The following ANK2 variants were observed in gnomAD, a reference collection of about 807,000 sequenced individuals.
ANK2 encodes the protein ankyrin 2.
A neutral mutation model predicts 360.5 loss-of-function variants in ANK2; 83 were observed. The observed-to-expected ratio is 0.23, with a 90% CI of 0.19 to 0.28. The LOEUF (loss-of-function observed/expected upper bound fraction) is 0.28. ANK2 is among the 10% of genes least tolerant of loss of function. The pLI, the probability that ANK2 is intolerant of heterozygous loss-of-function variation, is 1.00. For synonymous variants in ANK2, 1,740 were observed against 1,759.5 expected (o/e 0.99, Z 0.28); for missense variants, 4,201 against 4,795.7 (o/e 0.88, Z 3.66).
the ANK2 span, among the ~76,000 whole-genome samples, chr4:112,710,559 T>C: frequency 2.0e-5 from 3 of 151,994 alleles, no homozygotes; most frequent in South Asian, 6.2e-4. Flanking sequence ...TTAGCTGGGC[T>C]TGGTGGCGGG....
chr4:113,091,509 G>A (rs2088119862), intron 1 of ANK2, among the ~76,000 whole-genome samples: 1 of 152,180 alleles, frequency 6.6e-6, no homozygotes, highest in Non-Finnish European at 1.5e-5. Flanking sequence ...AAATTTTAAT[G>A]TTGATTAAAA....
At chr4:113,061,845 GAA>G (rs1311975773) in intron 1 of ANK2, among the ~76,000 whole-genome samples, 1 of 152,082 alleles carries the variant, frequency 6.6e-6, no homozygotes, top group African/African-American at 2.4e-5. Context: ...AAAAATAACT[GAA>G]AGAGTATAAT....
At chr4:112,826,414 C>G in intron 1 of ANK2, 1 of 1,030,356 alleles carries the variant, frequency 9.7e-7, no homozygotes. Flanking sequence ...GTAACACTTT[C>G]CCTACCAGCA....
chr4:113,237,888 T>A (rs1002842303), intron 7 of ANK2, among the ~76,000 whole-genome samples: 7 of 152,230 alleles, frequency 4.6e-5, no homozygotes, highest in Non-Finnish European at 1.0e-4. Flanking sequence ...TATATTTTAA[T>A]GAGTGAGATT....
intron 1 of ANK2, among the ~76,000 whole-genome samples, chr4:112,839,555 G>T (rs888431750): frequency 1.3e-5 from 2 of 152,176 alleles, no homozygotes; most frequent in Non-Finnish European, 2.9e-5. Context: ...ATGTATTAAG[G>T]TGTGGTTTGG....
intron 2 of ANK2, among the ~76,000 whole-genome samples, chr4:112,953,816 G>A (rs780326939): frequency 6.6e-6 from 1 of 152,030 alleles, no homozygotes; most frequent in Non-Finnish European, 1.5e-5. Context: ...TCTCATATAT[G>A]GTGAAAATAA....
chr4:112,804,587 CTTG>C, the ANK2 span, among the ~76,000 whole-genome samples: 1 of 152,084 alleles, frequency 6.6e-6, no homozygotes, highest in Non-Finnish European at 1.5e-5. Context: ...ATATCGAGGA[CTTG>C]GATGATATTT....
the ANK2 span, among the ~76,000 whole-genome samples, chr4:112,757,150 T>A: frequency 6.7e-6 from 1 of 149,724 alleles, no homozygotes; most frequent in African/African-American, 2.5e-5. Context: ...TTTGCTCTTG[T>A]CACCCAGGCT....
At chr4:113,137,952 A>G (rs941897883) in intron 1 of ANK2, among the ~76,000 whole-genome samples, 2 of 152,216 alleles carry the variant, frequency 1.3e-5, no homozygotes, top group African/African-American at 4.8e-5. Context: ...TAATATATTT[A>G]TGACTGTATT....
In ANK2 at chr4:113,353,566, C is replaced by T; in HGVS notation, c.4948C>T (p.Leu1650Phe). The T allele has an allele frequency of 6.2e-7, 1 of 1,614,042 alleles. No individual in the cohort carries two copies. The highest frequency in any genetic ancestry group is 8.5e-7 in the Non-Finnish European group (1 of 1,179,968). The change falls in exon 38 of 46, where the codon CTT (leucine) becomes TTT (phenylalanine). Residue 1650 changes from leucine to phenylalanine, a missense_variant. Leu to Phe is a conservative substitution (Grantham distance 22, BLOSUM62 0). Around this residue, in one of 4 missense-constraint regions of ANK2, gnomAD observed 1,268 missense variants for 1,650.8 expected, o/e 0.77. Transcript: ENST00000357077. ...TGATGATCTGAATACCTGTGTGCCT[C>T]TTCCCAAAGAGCAGCTGCAGACAGT... ...LTDDLNTCVP[L>F]PKEQLQTVQD...
intron 2 of ANK2, among the ~76,000 whole-genome samples, chr4:113,038,973 C>G (rs2154311203): frequency 6.6e-6 from 1 of 152,112 alleles, no homozygotes; most frequent in East Asian, 1.9e-4. Context: ...TAATCCCCGA[C>G]TCACAAATTT....
At chr4:113,075,442 A>G (rs1192256690) in intron 1 of ANK2, among the ~76,000 whole-genome samples, 1 of 152,062 alleles carries the variant, frequency 6.6e-6, no homozygotes, top group Non-Finnish European at 1.5e-5. Flanking sequence ...GACCTTGGTA[A>G]TGTTTTCTGT....
intron 2 of ANK2, among the ~76,000 whole-genome samples, chr4:112,913,676 C>T (rs546314315): frequency 6.6e-6 from 1 of 152,242 alleles, no homozygotes; most frequent in East Asian, 1.9e-4. Context: ...CAGATTGCCT[C>T]ATCTATAAAC....
intron 2 of ANK2, among the ~76,000 whole-genome samples, chr4:113,009,614 T>C (rs966847577): frequency 2.6e-5 from 4 of 152,120 alleles, no homozygotes; most frequent in African/African-American, 9.7e-5. Context: ...GAGCATCCCA[T>C]GATTCTAGAG....
chr4:112,922,097 G>A lies in ANK2; in HGVS notation c.21+17583G>A, dbSNP rs948232124. 4.6e-5 allele frequency among the ~76,000 whole-genome samples: 7 copies of A among 152,130 alleles called. No homozygotes were observed. The East Asian group carries it at 5.8e-4, about 13-fold the overall frequency. On this transcript the variant is annotated intron_variant, in intron 2 of 30. Transcript: ENST00000503271. ...TGAAATTGTAGGGCTACTCTAACTC[G>A]TCTTAGGTGTGCCCACATACACCAG... is the stretch of plus-strand genomic sequence containing the variant.
Position 113,274,487 on chromosome 4 carries a change from G to T in ANK2, c.1521G>T (p.Leu507=), listed in dbSNP as rs2153688094. 1 of 1,614,200 alleles carries T rather than the reference G, an allele frequency of 6.2e-7. No homozygotes were observed. The highest frequency in any genetic ancestry group is 8.5e-7 in the Non-Finnish European group (1 of 1,180,042). ...CACCTTTACATATTGCCTCCCGCCT[G>T]GGTAAGACAGAAATTGTCCAGCTGC... is the stretch of plus-strand genomic sequence containing the variant. ...EQTPLHIASR[L]GKTEIVQLLL... is the part of the protein sequence containing the mutation. Residue 507 remains leucine (L), a synonymous_variant, in exon 15 of 46, where the codon CTG becomes CTT. Coordinates refer to ENST00000357077, the MANE Select transcript of ANK2 (RefSeq NM_001148.6).
Position 113,305,333 on chromosome 4 carries a change from C to G in ANK2, c.2548+2494C>G, listed in dbSNP as rs779846768. ...CCAGCCTGGGCGACAGAGCGAGACT[C>G]CGTCTCAAAAAAAAAAAAAAAAAAA... On this transcript the variant is annotated intron_variant, in intron 23 of 45. Coordinates refer to ENST00000357077, the MANE Select transcript of ANK2 (RefSeq NM_001148.6). Among the ~76,000 whole-genome samples the G allele has an allele frequency of 9.0e-3, 766 of 84,908 alleles. 5 individuals are homozygous for G. Among genetic ancestry groups the G allele is most frequent in the South Asian group, 0.017 (40 of 2,294 alleles). The allele number at this position is 84,908 out of a possible 152,430, so 55.7% of individuals were successfully genotyped here.
chr4:112,811,019 T>C, the ANK2 span, among the ~76,000 whole-genome samples: 2 of 150,766 alleles, frequency 1.3e-5, no homozygotes, highest in East Asian at 3.9e-4. Flanking sequence ...CACTGCAAGC[T>C]CCGCCTCCTG....
chr4:112,775,625 G>A, the ANK2 span, among the ~76,000 whole-genome samples: 1 of 151,946 alleles, frequency 6.6e-6, no homozygotes, highest in Non-Finnish European at 1.5e-5. Flanking sequence ...GAGAAGGGAA[G>A]GTAGGAAAAT....
Sources: gnomAD v4.1 joint callset for allele counts (sites outside exome capture counted in the v4.1 genomes callset) on GRCh38, gnomAD v4.1.1 for gene constraint, gnomAD v4.1.1 regional missense constraint, MANE v1.5 for transcripts, NCBI Gene and HGNC (gene_info 2026-07-23, HGNC 2026-07-21) for gene names.